Variants in FGD4 observed in about 807,000 individuals in gnomAD.
FGD4 encodes FYVE, RhoGEF and PH domain containing 4, also known as FYVE, RhoGEF and PH domain-containing protein 4.
A neutral mutation model predicts 102.0 loss-of-function variants in FGD4; 42 were observed. That is an observed-to-expected ratio of 0.41 (90% CI 0.32 to 0.53). The LOEUF is 0.53. FGD4 is among the 20% of genes least tolerant of loss of function. FGD4 has a pLI of 0.21. For synonymous variants in FGD4, 380 were observed against 375.7 expected (o/e 1.01, Z -0.13); for missense variants, 902 against 1,078.2 (o/e 0.84, Z 2.29).
intron 1 of FGD4, among the ~76,000 whole-genome samples, chr12:32,530,152 T>C (rs1007425402): frequency 1.3e-5 from 2 of 152,060 alleles, no homozygotes; most frequent in Admixed American, 6.6e-5. Flanking sequence ...GGTAGGCTTT[T>C]ATTTTAAAAT....
intron 1 of FGD4, among the ~76,000 whole-genome samples, chr12:32,512,400 T>G (rs555754493): frequency 6.6e-6 from 1 of 151,356 alleles, no homozygotes; most frequent in East Asian, 1.9e-4. Flanking sequence ...GGAGCTGATA[T>G]CCTGTCATTG....
chr12:32,413,575 G>C (rs1345292046), intron 1 of FGD4, among the ~76,000 whole-genome samples: 1 of 152,172 alleles, frequency 6.6e-6, no homozygotes, highest in African/African-American at 2.4e-5. Flanking sequence ...TGCATCTTTG[G>C]GGAAAACTGA....
rs774787616 is a variant in FGD4 at position 32,624,994 on chromosome 12, G to C, written c.1972G>C (p.Asp658His). 2 of 1,613,124 alleles carry C rather than the reference G, an allele frequency of 1.2e-6. No homozygotes were observed. The highest frequency in any genetic ancestry group is 1.7e-5 in the Admixed American group (1 of 59,992). Residue 658 changes from aspartate to histidine, a missense_variant, in exon 13 of 17, where the codon GAT becomes CAT. Asp to His is a moderately conservative substitution (Grantham distance 81). Transcript: ENST00000534526. ...ACTTTAGGCCCTTCAAGAAACCATC[G>C]ATGCTTTTCATCAAAGGCATGAAAC... ...EWIKALQETI[D>H]AFHQRHETFR... is the part of the protein sequence containing the mutation.
chr12:32,479,354 G>T (rs1253951943), intron 1 of FGD4, among the ~76,000 whole-genome samples: 1 of 151,910 alleles, frequency 6.6e-6, no homozygotes, highest in African/African-American at 2.4e-5. Flanking sequence ...TGTAAAACTT[G>T]CTGTGTTCTA....
chr12:32,631,720 G>T (rs1950514284), intron 14 of FGD4, among the ~76,000 whole-genome samples: 1 of 152,074 alleles, frequency 6.6e-6, no homozygotes, highest in East Asian at 1.9e-4. Context: ...TGGCCAGGCT[G>T]GTCTTGAACT....
chr12:32,551,033 TTATTA>T, intron 1 of FGD4, among the ~76,000 whole-genome samples: 1 of 152,294 alleles, frequency 6.6e-6, no homozygotes, highest in Admixed American at 6.5e-5. Context: ...AAATAATTCA[TTATTA>T]TATTAGTTTG....
At chr12:32,466,867 CAAAAA>C (rs35375727) in intron 1 of FGD4, among the ~76,000 whole-genome samples, 2 of 62,786 alleles carry the variant, frequency 3.2e-5, no homozygotes, top group African/African-American at 1.2e-4. Context: ...GAGTCTGTCT[CAAAAA>C]AAAAAAAAAA....
chr12:32,424,749 T>C (rs538836147), intron 1 of FGD4, among the ~76,000 whole-genome samples: 2 of 152,214 alleles, frequency 1.3e-5, no homozygotes, highest in Non-Finnish European at 1.5e-5. Flanking sequence ...CCTGACTTTT[T>C]AATGAATGCT....
At chr12:32,480,509 T>C (rs931594929) in intron 1 of FGD4, among the ~76,000 whole-genome samples, 1 of 151,798 alleles carries the variant, frequency 6.6e-6, no homozygotes, top group East Asian at 1.9e-4. Context: ...CTTTGTTTTT[T>C]TCGTTTTTTT....
At chr12:32,534,365 C>A (rs1161067128) in intron 1 of FGD4, 2 of 1,463,428 alleles carry the variant, frequency 1.4e-6, no homozygotes, top group Non-Finnish European at 1.8e-6. Flanking sequence ...GTGTAATCTT[C>A]AGCCTCCCTG....
At chr12:32,629,932 T>C (rs1374053302) in intron 14 of FGD4, among the ~76,000 whole-genome samples, 3 of 152,202 alleles carry the variant, frequency 2.0e-5, no homozygotes, top group Admixed American at 6.5e-5. Flanking sequence ...TGCTTTCTGC[T>C]GTAATTGGTC....
At position 32,645,094 on chromosome 12, in the gene FGD4, A is replaced by G. The variant is rs1293446307; in HGVS notation, c.*4561A>G. 1.3e-5 allele frequency: 2 copies of G among 152,160 alleles called. No individual in the cohort carries two copies. Among genetic ancestry groups the G allele is most frequent in the African/African-American group, 2.4e-5 (1 of 41,446 alleles). 9.4% of individuals were successfully genotyped at this position (152,160 alleles called of 1,614,324 possible). A position where few individuals can be genotyped will look rare whatever the true frequency, so the allele number is the denominator to read the frequency against. ...TTGTGGTAGTTTTAGTGGAAAACGT[A>G]AATCAAGAAATCTCATATCATACTT... is the stretch of plus-strand genomic sequence containing the variant. On this transcript the variant is annotated 3_prime_UTR_variant, in exon 17 of 17. Transcript: ENST00000534526.
intron 2 of FGD4, among the ~76,000 whole-genome samples, chr12:32,565,154 T>C (rs914821973): frequency 1.6e-4 from 24 of 152,350 alleles, no homozygotes; most frequent in Non-Finnish European, 2.2e-4. Context: ...AAAAATGTAT[T>C]CTAGAGCATG....
chr12:32,430,263 G>T (rs1942003131), intron 1 of FGD4, among the ~76,000 whole-genome samples: 1 of 151,976 alleles, frequency 6.6e-6, no homozygotes, highest in Non-Finnish European at 1.5e-5. Context: ...AGCTGAGATT[G>T]CACCACTGTG....
At chr12:32,501,171 C>G (rs566819980) in intron 1 of FGD4, among the ~76,000 whole-genome samples, 1 of 152,228 alleles carries the variant, frequency 6.6e-6, no homozygotes, top group Non-Finnish European at 1.5e-5. Context: ...CCCACTTCAG[C>G]CTTCTGTGTA....
Position 32,552,434 on chromosome 12 carries a change from ATTTTT to A in FGD4, c.167-11682_167-11678del, listed in dbSNP as rs66646521. ...GCCGCCATGCCCGACTAATTTTTGC[ATTTTT>A]TTTTTTTTTTTTTTTTTTTTGTAGT... On this transcript the variant is annotated intron_variant, in intron 1 of 16. Coordinates refer to ENST00000534526, the MANE Select transcript of FGD4 (RefSeq NM_001370298.3). Among the ~76,000 whole-genome samples, 904 of 120,930 alleles carry A rather than the reference ATTTTT, an allele frequency of 7.5e-3. 9 individuals are homozygous for A. The highest frequency in any genetic ancestry group is 0.023 in the African/African-American group (831 of 35,956). 79.3% of individuals were successfully genotyped at this position (120,930 alleles called of 152,430 possible).
intron 9 of FGD4, 44 bp downstream of exon 9, chr12:32,610,878 T>TA: frequency 6.4e-7 from 1 of 1,570,212 alleles, no homozygotes; most frequent in Non-Finnish European, 8.8e-7. Flanking sequence ...ATTAGACAAT[T>TA]ATCAATAATA....
intron 1 of FGD4, among the ~76,000 whole-genome samples, chr12:32,447,749 T>A (rs1942663074): frequency 6.6e-6 from 1 of 152,218 alleles, no homozygotes; most frequent in African/African-American, 2.4e-5. Context: ...GTTAAATACG[T>A]GATAGGGCAA....
At chr12:32,613,368 T>A (rs761849931) in intron 10 of FGD4, among the ~76,000 whole-genome samples, 4 of 152,202 alleles carry the variant, frequency 2.6e-5, no homozygotes, top group Non-Finnish European at 5.9e-5. Context: ...ATGCGTAGAT[T>A]TCAAAGCTTT....
Sources: gnomAD v4.1 joint callset for allele counts (sites outside exome capture counted in the v4.1 genomes callset) on GRCh38, gnomAD v4.1.1 for gene constraint, MANE v1.5 for transcripts, NCBI Gene and HGNC (gene_info 2026-07-23, HGNC 2026-07-21) for gene names.